The following DFFA variants were observed in gnomAD, a reference collection of about 807,000 sequenced individuals.
DFFA encodes the protein DNA fragmentation factor subunit alpha.
DFFA carries 14 observed loss-of-function variants against 28.0 expected under a neutral mutation model. The ratio of observed to expected loss-of-function variants is 0.50; its 90% confidence interval spans 0.33 to 0.78. The LOEUF (loss-of-function observed/expected upper bound fraction) is 0.78. Ranked by LOEUF, DFFA falls within the 30% of genes least tolerant of loss-of-function variation. The pLI, the probability that DFFA is intolerant of heterozygous loss-of-function variation, is 0.02. For synonymous variants in DFFA, 158 were observed against 170.3 expected, an observed-to-expected ratio of 0.93 and a Z score of 0.56; for missense variants, 395 against 407.1, an observed-to-expected ratio of 0.97 and a Z score of 0.26.
intron 3 of DFFA, among the ~76,000 whole-genome samples, chr1:10,466,770 T>C (rs1252662400): frequency 2.6e-5 from 4 of 151,496 alleles, no homozygotes; most frequent in African/African-American, 9.7e-5. Flanking sequence ...CTGGCCAACA[T>C]GATGAAACGC....
In DFFA at chr1:10,472,238, C is replaced by T. The variant is rs1641108487; in HGVS notation, c.136+85G>A. ...CCGAGATACAAGAATCCCCAAGTCG[C>T]CTCTCCTGACCCCGCCTCGCCCCCG... On this transcript the variant is annotated intron_variant, in intron 1 of 5. Transcript: ENST00000377038. The surrounding 1 kb of genome is among the most constrained non-coding windows in gnomAD (Gnocchi z 5.0). 1.2e-5 allele frequency: 17 copies of T among 1,459,248 alleles called. No homozygotes were observed. In the South Asian group the frequency reaches 2.2e-4, roughly 19 times the overall value. 90.4% of individuals were successfully genotyped at this position (1,459,248 alleles called of 1,614,324 possible).
At chr1:10,466,225 C>T (rs894123342) in intron 3 of DFFA, among the ~76,000 whole-genome samples, 1 of 152,028 alleles carries the variant, frequency 6.6e-6, no homozygotes, top group Non-Finnish European at 1.5e-5. Flanking sequence ...TCTCTGTCAC[C>T]CAGGCTGGAG....
rs1231880322 is a variant in DFFA, at chr1:10,458,588, G to C, written c.*2902C>G. The C allele has an allele frequency of 7.0e-6, 1 of 142,982 alleles. No homozygotes were observed. The highest frequency in any genetic ancestry group is 7.4e-5 in the Admixed American group (1 of 13,514). The allele number at this position is 142,982 out of a possible 1,614,324, so 8.9% of individuals were successfully genotyped here. A position where few individuals can be genotyped will look rare whatever the true frequency, so the allele number is the denominator to read the frequency against. ...GAGTCTCATTCTGTCACCCAGGCTG[G>C]AGCCCAGTGGCAGGATCTCAGCTCA... On this transcript the variant is annotated 3_prime_UTR_variant, in exon 6 of 6. Coordinates refer to ENST00000377038, the MANE Select transcript of DFFA (RefSeq NM_004401.3).
chr1:10,464,887 A>G (rs1332057950), intron 3 of DFFA, among the ~76,000 whole-genome samples: 1 of 152,136 alleles, frequency 6.6e-6, no homozygotes, highest in Non-Finnish European at 1.5e-5. Context: ...TAGAGCAGAG[A>G]CTGTGTCTGG....
intron 3 of DFFA, among the ~76,000 whole-genome samples, chr1:10,466,982 C>T (rs1028607009): frequency 1.4e-5 from 2 of 138,242 alleles, no homozygotes; most frequent in African/African-American, 6.1e-5. Context: ...AAAAAAAATC[C>T]ACAGGTAATT....
chr1:10,463,940 C>T (rs2124341673), intron 3 of DFFA, among the ~76,000 whole-genome samples: 1 of 152,094 alleles, frequency 6.6e-6, no homozygotes, highest in South Asian at 2.1e-4. Flanking sequence ...GCTGGGATTA[C>T]AGGTGTGAGC....
At position 10,472,275 on chromosome 1, in the gene DFFA, C is replaced by T. The variant is rs113649170; in HGVS notation, c.136+48G>A. On this transcript the variant is annotated intron_variant, in intron 1 of 5. Coordinates refer to ENST00000377038, the MANE Select transcript of DFFA (RefSeq NM_004401.3). This position sits in a 1 kb window ranked among gnomAD's most constrained non-coding sequence, Gnocchi z 5.0. ...CCGCCTCGCCCCCGCCGGACGTCCT[C>T]ACCCGGCCCTGGCTCCCCCACACCC... 2.0e-6 allele frequency: 3 copies of T among 1,524,680 alleles called. No individual in the cohort carries two copies. Among genetic ancestry groups the T allele is most frequent in the African/African-American group, 2.8e-5 (2 of 71,784 alleles). 94.4% of individuals were successfully genotyped at this position (1,524,680 alleles called of 1,614,324 possible). A position where few individuals can be genotyped will look rare whatever the true frequency, so the allele number is the denominator to read the frequency against.
At position 10,459,973 on chromosome 1, in the gene DFFA, G is replaced by A. The variant is rs1483791534; in HGVS notation, c.*1517C>T. Reference sequence around the variant, plus strand: ...AAAGCTTTTTTTTCTGGCCAGGGGTGGTGGCTCACACCTGTAATCCCAGCA... The same window carrying A: ...AAAGCTTTTTTTTCTGGCCAGGGGTAGTGGCTCACACCTGTAATCCCAGCA... On this transcript the variant is annotated 3_prime_UTR_variant, in exon 6 of 6. Transcript: ENST00000377038. 1 of 151,882 alleles carries A rather than the reference G, an allele frequency of 6.6e-6. No homozygotes were observed. Among genetic ancestry groups the A allele is most frequent in the Non-Finnish European group, 1.5e-5 (1 of 67,988 alleles). The allele number at this position is 151,882 out of a possible 1,614,324, so 9.4% of individuals were successfully genotyped here. A position where few individuals can be genotyped will look rare whatever the true frequency, so the allele number is the denominator to read the frequency against.
chr1:10,462,065 C>G (rs11578995), intron 5 of DFFA, among the ~76,000 whole-genome samples: 380 of 152,116 alleles, frequency 2.5e-3, no homozygotes, highest in South Asian at 7.1e-3. Flanking sequence ...TCACCGTGTT[C>G]GCCAGGATGG....
intron 1 of DFFA, 30 bp from the exon 2 acceptor site, chr1:10,469,368 C>T (rs374721677): frequency 5.7e-5 from 92 of 1,608,224 alleles, no homozygotes; most frequent in Non-Finnish European, 7.5e-5. Context: ...TGGCAAATGA[C>T]AAATAACCGT....
At chr1:10,465,953 C>G (rs994803060) in intron 3 of DFFA, among the ~76,000 whole-genome samples, 13 of 151,238 alleles carry the variant, frequency 8.6e-5, no homozygotes, top group African/African-American at 4.9e-5. Flanking sequence ...CAGGTATAAG[C>G]CACTGCACCT....
intron 1 of DFFA, among the ~76,000 whole-genome samples, chr1:10,470,481 C>G (rs774744827): frequency 3.7e-4 from 54 of 147,324 alleles, no homozygotes; most frequent in Non-Finnish European, 7.2e-4. Context: ...CTGGAGTGCC[C>G]AGGCGCTATC....
In DFFA at chr1:10,466,440, C is replaced by T. The variant is rs955616467; in HGVS notation, c.441+750G>A. Among the ~76,000 whole-genome samples the T allele has an allele frequency of 4.6e-5, 7 of 151,516 alleles. 1 individual carries two copies. Among genetic ancestry groups the T allele is most frequent in the Non-Finnish European group, 8.8e-5 (6 of 67,866 alleles). ...TCCTGACCTCGTGATCTGCCCGCCTCGGCCTCCCAAAGTGCTGAGATTACA... is the reference window on the plus strand; with the variant it reads ...TCCTGACCTCGTGATCTGCCCGCCTTGGCCTCCCAAAGTGCTGAGATTACA... On this transcript the variant is annotated intron_variant, in intron 3 of 5. Coordinates refer to ENST00000377038, the MANE Select transcript of DFFA (RefSeq NM_004401.3).
At chr1:10,469,678 G>A (rs1179301847) in intron 1 of DFFA, among the ~76,000 whole-genome samples, 1 of 152,102 alleles carries the variant, frequency 6.6e-6, no homozygotes, top group Non-Finnish European at 1.5e-5. Flanking sequence ...GCACCACCAT[G>A]TCCGGCTAAT....
At chr1:10,461,893 C>T (rs11578974) in intron 5 of DFFA, 191 bp from the exon 6 acceptor site, 3 of 983,100 alleles carry the variant, frequency 3.1e-6, no homozygotes, top group Admixed American at 6.1e-5. Context: ...CTCGCTCTGT[C>T]ACCCAGGCTG....
chr1:10,470,425 T>C (rs1452253226), intron 1 of DFFA, among the ~76,000 whole-genome samples: 1 of 140,234 alleles, frequency 7.1e-6, no homozygotes, highest in Non-Finnish European at 1.5e-5. Context: ...TTTTCCTCTT[T>C]TTTTTTTTTT....
At position 10,461,175 on chromosome 1, in the gene DFFA, TG is replaced by T. The variant is rs936237521; in HGVS notation, c.*314del. The T allele has an allele frequency of 4.0e-5, 10 of 247,396 alleles. No homozygotes were observed. Among genetic ancestry groups the T allele is most frequent in the Admixed American group, 9.6e-5 (2 of 20,746 alleles). The allele number at this position is 247,396 out of a possible 1,614,324, so 15.3% of individuals were successfully genotyped here. On this transcript the variant is annotated 3_prime_UTR_variant, in exon 6 of 6. Coordinates refer to ENST00000377038, the MANE Select transcript of DFFA (RefSeq NM_004401.3). ...TCCGCCCCCCTCGGCCTCCCAGTGCTGGGATTACAGGCGTGAGCCACTGCGC... is the reference window on the plus strand; with the variant it reads ...TCCGCCCCCCTCGGCCTCCCAGTGCTGGATTACAGGCGTGAGCCACTGCGC...
chr1:10,465,019 G>A (rs9661820), intron 3 of DFFA, among the ~76,000 whole-genome samples: 6,615 of 151,914 alleles, frequency 0.044, 334 homozygotes, highest in African/African-American at 0.11. Flanking sequence ...TGGGAGGCCA[G>A]GGTGGGAGGA....
intron 5 of DFFA, chr1:10,462,691 G>C: frequency 9.5e-7 from 1 of 1,049,298 alleles, no homozygotes; most frequent in Non-Finnish European, 1.2e-6. Context: ...CCTCAAGTTT[G>C]CCTTTTCCTG....
Sources: allele counts gnomAD v4.1 joint callset (sites outside exome capture counted in the v4.1 genomes callset), GRCh38; gene constraint gnomAD v4.1.1; non-coding constraint Gnocchi (gnomAD v3.1); transcripts MANE v1.5; gene names NCBI Gene and HGNC (gene_info 2026-07-23, HGNC 2026-07-21).